Variants in PRRC2B observed in about 807,000 individuals in gnomAD.
PRRC2B encodes the protein protein PRRC2B.
PRRC2B carries 68 observed loss-of-function variants against 242.3 expected under a neutral mutation model. That is an observed-to-expected ratio of 0.28 (90% CI 0.23 to 0.34). The LOEUF (loss-of-function observed/expected upper bound fraction) is 0.34, where lower values mean the gene tolerates loss of function less well. PRRC2B is among the 10% of genes least tolerant of loss of function. PRRC2B has a pLI of 1.00. For synonymous variants in PRRC2B, 1,228 were observed against 1,173.6 expected, an observed-to-expected ratio of 1.05 and a Z score of -0.95; for missense variants, 2,835 against 2,954.8, an observed-to-expected ratio of 0.96 and a Z score of 0.94.
chr9:131,470,874 G>A lies in PRRC2B; in HGVS notation c.1998G>A (p.Gln666=). ...PQRTFYPHHP[Q]MLGFDPRWMM... is the part of the protein sequence containing the mutation. ...GCACCTTTTACCCACACCACCCCCA[G>A]ATGTTGGGCTTCGATCCCAGGTGGA... Residue 666 remains glutamine (Q), a synonymous_variant, in exon 14 of 32, where the codon CAG becomes CAA. Transcript: ENST00000683519. The A allele has an allele frequency of 6.7e-7, 1 of 1,485,914 alleles. No homozygotes were observed. The highest frequency in any genetic ancestry group is 1.1e-5 in the South Asian group (1 of 89,088). 92.0% of individuals were successfully genotyped at this position (1,485,914 alleles called of 1,614,324 possible).
intron 9 of PRRC2B, among the ~76,000 whole-genome samples, chr9:131,451,550 T>C (rs954162989): frequency 6.6e-5 from 10 of 152,244 alleles, no homozygotes; most frequent in African/African-American, 2.4e-4. Flanking sequence ...TTACATTGTC[T>C]TTTTCAGATT....
chr9:131,414,944 A>T (rs1398435670), intron 1 of PRRC2B, among the ~76,000 whole-genome samples: 1 of 151,666 alleles, frequency 6.6e-6, no homozygotes, highest in Admixed American at 6.6e-5. Flanking sequence ...TATTTCCTGG[A>T]TCCTATTTGT....
At position 131,500,182 on chromosome 9, in the gene PRRC2B, A is replaced by G. The variant is rs1198165342; in HGVS notation, c.*4308A>G. On this transcript the variant is annotated 3_prime_UTR_variant, in exon 32 of 32. Transcript: ENST00000683519. ...GAATTCTCCTTATTTAAATAAAAAA[A>G]GTTTAAAAAGATAAAGCTGAACGTG... The G allele has an allele frequency of 6.6e-6, 1 of 152,204 alleles. No individual in the cohort carries two copies. The highest frequency in any genetic ancestry group is 2.4e-5 in the African/African-American group (1 of 41,426). 9.4% of individuals were successfully genotyped at this position (152,204 alleles called of 1,614,324 possible).
At chr9:131,461,478 G>A (rs529901008) in intron 11 of PRRC2B, among the ~76,000 whole-genome samples, 1 of 152,220 alleles carries the variant, frequency 6.6e-6, no homozygotes, top group Admixed American at 6.5e-5. Context: ...GAGGGCTGGG[G>A]AAGGGGGAGT....
At chr9:131,470,159 C>T (rs922926685) in intron 13 of PRRC2B, among the ~76,000 whole-genome samples, 1 of 152,140 alleles carries the variant, frequency 6.6e-6, no homozygotes, top group African/African-American at 2.4e-5. Context: ...GCCAGTCTTG[C>T]GAGGCAAAGC....
In PRRC2B at chr9:131,439,671, T is replaced by A. The variant is rs1000129410; in HGVS notation, c.469+610T>A. Among the ~76,000 whole-genome samples, 11 of 150,372 alleles carry A rather than the reference T, an allele frequency of 7.3e-5. 1 individual carries two copies. The highest frequency in any genetic ancestry group is 6.6e-4 in the Admixed American group (10 of 15,214). On this transcript the variant is annotated intron_variant, in intron 5 of 31. Transcript: ENST00000683519. ...CCCTTATGGGTTGAAATCCCTGTGC[T>A]CAAAGGCTCTTCCCTCAGTCTCCAA...
intron 3 of PRRC2B, among the ~76,000 whole-genome samples, chr9:131,433,824 C>CT (rs1459765499): frequency 1.3e-5 from 2 of 152,214 alleles, no homozygotes; most frequent in African/African-American, 4.8e-5. Context: ...CCTGTATTTA[C>CT]TTCAGACAGG....
Position 131,494,641 on chromosome 9 carries a change from C to A in PRRC2B, c.6555+155C>A, listed in dbSNP as rs540193397. Among the ~76,000 whole-genome samples the A allele has an allele frequency of 1.3e-5, 2 of 152,220 alleles. No homozygotes were observed. Among genetic ancestry groups the A allele is most frequent in the African/African-American group, 2.4e-5 (1 of 41,464 alleles). ...GCACAGAACCGGGAGCTGGGCCGCC[C>A]GCGTCCCTCCTGGCGAAGGCATTTC... On this transcript the variant is annotated intron_variant, in intron 31 of 31. Transcript: ENST00000683519. The surrounding 1 kb of genome is among the most constrained non-coding windows in gnomAD (Gnocchi z 4.3).
rs566381717 is a variant in PRRC2B at position 131,385,822 on chromosome 9, T to C, written c.-56+12091T>C. Among the ~76,000 whole-genome samples the C allele has an allele frequency of 1.7e-4, 25 of 149,966 alleles. 2 individuals are homozygous for C. Among genetic ancestry groups the C allele is most frequent in the Non-Finnish European group, 3.6e-4 (24 of 67,456 alleles). Reference sequence around the variant, plus strand: ...CATTCTCCTGCCTCAGCCTCCTGAATAGCTGGGACTACAGGCGCCCACCAC... The same window carrying C: ...CATTCTCCTGCCTCAGCCTCCTGAACAGCTGGGACTACAGGCGCCCACCAC... On this transcript the variant is annotated intron_variant, in intron 1 of 1. Transcript: ENST00000682525.
Position 131,436,734 on chromosome 9 carries a change from G to T in PRRC2B, c.396+12G>T. 1.2e-6 allele frequency: 2 copies of T among 1,605,312 alleles called. No individual in the cohort carries two copies. Among genetic ancestry groups the T allele is most frequent in the Non-Finnish European group, 1.7e-6 (2 of 1,172,868 alleles). On this transcript the variant is annotated intron_variant, in intron 4 of 31. Transcript: ENST00000683519. ...CAATCAGTCAGGAGGTAGGTGCTGG[G>T]ACCCCATCCCAACTGTTTCCTGGGC...
At chr9:131,390,401 G>T (rs1016162232), upstream of PRRC2B, among the ~76,000 whole-genome samples, 7 of 148,466 alleles carry the variant, frequency 4.7e-5, 1 homozygote, top group Admixed American at 3.6e-4. Flanking sequence ...TCTCCATGAG[G>T]ATGGTCAGGG....
In PRRC2B at chr9:131,484,805, G is replaced by T. The variant is rs1449381205; in HGVS notation, c.5565+15G>T. 3 of 1,595,112 alleles carry T rather than the reference G, an allele frequency of 1.9e-6. No homozygotes were observed. Among genetic ancestry groups the T allele is most frequent in the Non-Finnish European group, 1.7e-6 (2 of 1,168,460 alleles). ...TTACTCTGAAGGTAACACCAGCCCT[G>T]AGCTGGGTGAGGGCCCACCCAGTAC... On this transcript the variant is annotated intron_variant, in intron 24 of 31. Transcript: ENST00000683519.
rs1174956457 is a variant in PRRC2B at position 131,500,070 on chromosome 9, A to T, written c.*4196A>T. On this transcript the variant is annotated 3_prime_UTR_variant, in exon 32 of 32. Transcript: ENST00000683519. ...GTGGATTCACCAGGCCGGTGCTGGCACACTCACCCTCGCCCTTTCCCTCCG... is the reference window on the plus strand; with the variant it reads ...GTGGATTCACCAGGCCGGTGCTGGCTCACTCACCCTCGCCCTTTCCCTCCG... 2.0e-5 allele frequency: 3 copies of T among 152,188 alleles called. No individual in the cohort carries two copies. The highest frequency in any genetic ancestry group is 4.8e-5 in the African/African-American group (2 of 41,440). The allele number at this position is 152,188 out of a possible 1,614,324, so 9.4% of individuals were successfully genotyped here.
intron 1 of PRRC2B, among the ~76,000 whole-genome samples, chr9:131,417,071 T>C (rs950569079): frequency 6.6e-6 from 1 of 152,202 alleles, no homozygotes; most frequent in Non-Finnish European, 1.5e-5. Flanking sequence ...GATTGGAAAC[T>C]GCATGGACTC....
chr9:131,476,351 G>T lies in PRRC2B; in HGVS notation c.4222G>T (p.Ala1408Ser), dbSNP rs1418733848. The T allele has an allele frequency of 1.3e-6, 2 of 1,591,410 alleles. No individual in the cohort carries two copies. Among genetic ancestry groups the T allele is most frequent in the African/African-American group, 1.3e-5 (1 of 74,436 alleles). ...DSQVDGGLSG[A>S]SLGEKKELAK... Reference sequence around the variant, plus strand: ...CCAGGTGGATGGTGGCCTGTCGGGGGCTAGTTTGGGTGAGAAGAAGGAGCT... The same window carrying T: ...CCAGGTGGATGGTGGCCTGTCGGGGTCTAGTTTGGGTGAGAAGAAGGAGCT... The change falls in exon 16 of 32, where the codon GCT becomes TCT. Residue 1408 changes from alanine to serine, a missense_variant. By Grantham distance (99) the Ala-to-Ser change is moderately conservative. Coordinates refer to ENST00000683519, the MANE Select transcript of PRRC2B (RefSeq NM_013318.4).
At chr9:131,424,602 C>G (rs575688320) in intron 1 of PRRC2B, among the ~76,000 whole-genome samples, 2 of 152,252 alleles carry the variant, frequency 1.3e-5, no homozygotes, top group African/African-American at 4.8e-5. Context: ...TGGAGAATCA[C>G]TTGAACCTGG....
At chr9:131,490,107 T>A (rs1944145174) in intron 28 of PRRC2B, among the ~76,000 whole-genome samples, 1 of 152,118 alleles carries the variant, frequency 6.6e-6, no homozygotes, top group Admixed American at 6.5e-5. Flanking sequence ...TCCAATGGAC[T>A]TTCCAGCATG....
intron 1 of PRRC2B, among the ~76,000 whole-genome samples, chr9:131,376,930 G>A (rs751661516): frequency 5.7e-4 from 86 of 152,040 alleles, no homozygotes; most frequent in Middle Eastern, 3.4e-3. Context: ...TGGCTTGAGC[G>A]CAGGAGTTTG....
intron 10 of PRRC2B, among the ~76,000 whole-genome samples, chr9:131,457,237 A>G (rs537880049): frequency 3.3e-5 from 5 of 152,336 alleles, no homozygotes; most frequent in Non-Finnish European, 5.9e-5. Context: ...GGACATACCT[A>G]TGGGTCAGTT....
Sources: allele counts gnomAD v4.1 joint callset (sites outside exome capture counted in the v4.1 genomes callset), GRCh38; gene constraint gnomAD v4.1.1; non-coding constraint Gnocchi (gnomAD v3.1); transcripts MANE v1.5; gene names NCBI Gene and HGNC (gene_info 2026-07-23, HGNC 2026-07-21).